SLC39A11: variants seen among roughly 807,000 people sequenced by gnomAD.
SLC39A11 encodes solute carrier family 39 member 11, also known as zinc transporter ZIP11.
In SLC39A11, 33 loss-of-function variants were observed where a neutral mutation model predicts 36.1. That is an observed-to-expected ratio of 0.91 (90% CI 0.69 to 1.22). The LOEUF (loss-of-function observed/expected upper bound fraction) is 1.22. SLC39A11 is among the 50% of genes most tolerant of loss of function. SLC39A11 has a pLI of 0.00. For missense variants in SLC39A11, 432 were observed against 430.3 expected, an observed-to-expected ratio of 1.00 and a Z score of -0.03; for synonymous variants, 166 against 170.3, an observed-to-expected ratio of 0.97 and a Z score of 0.20.
chr17:72,847,327 G>A (rs760237884), intron 6 of SLC39A11, among the ~76,000 whole-genome samples: 15 of 151,568 alleles, frequency 9.9e-5, no homozygotes, highest in South Asian at 2.1e-4. Flanking sequence ...TGCTTGAACC[G>A]GGAAGTGGAG....
chr17:73,046,415 T>C (rs775249339), intron 3 of SLC39A11, among the ~76,000 whole-genome samples: 4 of 152,124 alleles, frequency 2.6e-5, no homozygotes, highest in Admixed American at 6.6e-5. Context: ...TAAGGAGTGA[T>C]GGGGCAGAAT....
At chr17:72,695,482 C>T (rs909510855) in intron 7 of SLC39A11, among the ~76,000 whole-genome samples, 10 of 152,234 alleles carry the variant, frequency 6.6e-5, no homozygotes, top group African/African-American at 2.2e-4. Flanking sequence ...CAAGTACTAA[C>T]TGGGCATTAT....
intron 6 of SLC39A11, among the ~76,000 whole-genome samples, chr17:72,798,342 G>C (rs1318241108): frequency 6.6e-6 from 1 of 151,656 alleles, no homozygotes; most frequent in Admixed American, 6.6e-5. Flanking sequence ...GGCTTGCAAA[G>C]AGCCACCTTC....
intron 3 of SLC39A11, among the ~76,000 whole-genome samples, chr17:73,075,575 G>A (rs1015104246): frequency 2.0e-4 from 30 of 152,286 alleles, no homozygotes; most frequent in African/African-American, 6.5e-4. Context: ...ATATGAGGCC[G>A]GGCGCAGTGG....
intron 4 of SLC39A11, among the ~76,000 whole-genome samples, chr17:73,005,880 G>A (rs1598817067): frequency 6.6e-6 from 1 of 151,538 alleles, no homozygotes; most frequent in Admixed American, 6.6e-5. Flanking sequence ...GAACCTGGGA[G>A]GTGGAGGTTG....
chr17:72,776,629 A>AAC (rs1555668721), intron 6 of SLC39A11, among the ~76,000 whole-genome samples: 3 of 150,884 alleles, frequency 2.0e-5, no homozygotes, highest in Admixed American at 2.0e-4. Flanking sequence ...AAAAAAAAAA[A>AAC]CAGAAGACAG....
chr17:72,863,563 T>C (rs2080148296), intron 5 of SLC39A11, among the ~76,000 whole-genome samples: 1 of 151,904 alleles, frequency 6.6e-6, no homozygotes, highest in South Asian at 2.1e-4. Context: ...TTTCTTGAAG[T>C]TTAATATTAG....
chr17:72,910,405 C>T (rs1257137980), intron 5 of SLC39A11, among the ~76,000 whole-genome samples: 1 of 152,128 alleles, frequency 6.6e-6, no homozygotes, highest in Non-Finnish European at 1.5e-5. Flanking sequence ...AGGCAGATCT[C>T]TTGAGGTCAG....
intron 6 of SLC39A11, among the ~76,000 whole-genome samples, chr17:72,761,688 A>C (rs1015713615): frequency 6.6e-6 from 1 of 152,200 alleles, no homozygotes; most frequent in Non-Finnish European, 1.5e-5. Context: ...GTCAAGCCCA[A>C]ACTTTTTCTT....
At chr17:72,974,343 A>G (rs1456778287) in intron 4 of SLC39A11, among the ~76,000 whole-genome samples, 1 of 148,002 alleles carries the variant, frequency 6.8e-6, no homozygotes, top group African/African-American at 2.5e-5. Context: ...CAGGTGATCC[A>G]CCCACCTTGG....
intron 6 of SLC39A11, among the ~76,000 whole-genome samples, chr17:72,768,283 C>T (rs9906808): frequency 0.2 from 30,715 of 152,128 alleles, 4,899 homozygotes; most frequent in African/African-American, 0.45. Context: ...AGTTGAGTTT[C>T]GGAGAAGGGC....
At chr17:72,690,678 T>A (rs2071987953) in intron 7 of SLC39A11, among the ~76,000 whole-genome samples, 2 of 152,164 alleles carry the variant, frequency 1.3e-5, no homozygotes, top group South Asian at 2.1e-4. Context: ...TTCCCCCAAA[T>A]CCTTCAGTGA....
At chr17:73,074,258 G>A (rs2060248687) in intron 3 of SLC39A11, among the ~76,000 whole-genome samples, 1 of 151,496 alleles carries the variant, frequency 6.6e-6, no homozygotes, top group African/African-American at 2.4e-5. Flanking sequence ...CCTTTCCAGG[G>A]GCCCTCCTGA....
chr17:72,816,475 A>G (rs2077589345), intron 6 of SLC39A11, among the ~76,000 whole-genome samples: 1 of 151,726 alleles, frequency 6.6e-6, no homozygotes, highest in South Asian at 2.1e-4. Context: ...GCTGTGGCAC[A>G]ACTGCTTGAC....
intron 3 of SLC39A11, among the ~76,000 whole-genome samples, chr17:73,071,987 T>TA (rs1369950714): frequency 6.6e-6 from 1 of 152,060 alleles, no homozygotes. Context: ...AACGAATGAA[T>TA]AAAAAATGAG....
chr17:72,768,764 T>C (rs980209973), intron 6 of SLC39A11, among the ~76,000 whole-genome samples: 10 of 151,556 alleles, frequency 6.6e-5, no homozygotes, highest in Admixed American at 6.6e-4. Context: ...ATTATTATTA[T>C]TATTATTATT....
intron 7 of SLC39A11, among the ~76,000 whole-genome samples, chr17:72,665,399 T>TG (rs1567921554): frequency 9.4e-6 from 1 of 106,560 alleles, no homozygotes; most frequent in East Asian, 3.0e-4. Context: ...GTTTTTTTTT[T>TG]TTTTTTTTTT....
chr17:73,047,991 ATATATATATATATATATATATAT>A (rs367653025), intron 3 of SLC39A11, among the ~76,000 whole-genome samples: 8,872 of 36,304 alleles, frequency 0.24, 1,668 homozygotes, highest in Non-Finnish European at 0.31. Flanking sequence ...AAAAAAAAAA[ATATATATATATATATATATATAT>A]ATATATATAT....
At chr17:72,886,818 A>G (rs1410787980) in intron 5 of SLC39A11, among the ~76,000 whole-genome samples, 1 of 152,166 alleles carries the variant, frequency 6.6e-6, no homozygotes, top group Non-Finnish European at 1.5e-5. Context: ...CTTCTCACGA[A>G]TGCTCCCTGT....
Sources: allele counts gnomAD v4.1 joint callset (sites outside exome capture counted in the v4.1 genomes callset), GRCh38; gene constraint gnomAD v4.1.1; transcripts MANE v1.5; gene names NCBI Gene and HGNC (gene_info 2026-07-23, HGNC 2026-07-21).